Variants in NLGN1 observed in about 807,000 individuals in gnomAD.
NLGN1 encodes the protein neuroligin-1.
In NLGN1, 12 loss-of-function variants were observed where a neutral mutation model predicts 65.5. That is an observed-to-expected ratio of 0.18 (90% CI 0.12 to 0.30). The LOEUF (loss-of-function observed/expected upper bound fraction) is 0.30, where lower values mean the gene tolerates loss of function less well. Ranked by LOEUF, NLGN1 falls within the 10% of genes least tolerant of loss-of-function variation. The probability of loss-of-function intolerance (pLI) is 1.00; values close to 1 mark genes in which losing one functional copy is unlikely to be tolerated. For synonymous variants in NLGN1, 350 were observed against 359.5 expected (o/e 0.97, Z 0.30); for missense variants, 750 against 1,007.1 (o/e 0.74, Z 3.46).
intron 4 of NLGN1, among the ~76,000 whole-genome samples, chr3:174,175,293 G>C (rs1041912388): frequency 6.6e-6 from 1 of 151,598 alleles, no homozygotes; most frequent in Admixed American, 6.6e-5. Context: ...AATAATATTT[G>C]CTTTATATAT....
intron 3 of NLGN1, among the ~76,000 whole-genome samples, chr3:173,656,138 A>G (rs758738632): frequency 6.6e-6 from 1 of 152,094 alleles, no homozygotes; most frequent in Non-Finnish European, 1.5e-5. Flanking sequence ...TGGAGAGGAT[A>G]TTTCCTGTCA....
At chr3:173,544,950 A>G (rs1041344369) in intron 2 of NLGN1, among the ~76,000 whole-genome samples, 1 of 152,148 alleles carries the variant, frequency 6.6e-6, no homozygotes, top group African/African-American at 2.4e-5. Flanking sequence ...AAAATTTGAA[A>G]TGATACTGAT....
intron 4 of NLGN1, among the ~76,000 whole-genome samples, chr3:174,123,141 T>A (rs1484439072): frequency 1.3e-5 from 2 of 152,032 alleles, no homozygotes; most frequent in Non-Finnish European, 2.9e-5. Flanking sequence ...CCACGAGATT[T>A]CTGGCATAGA....
chr3:174,246,882 T>C (rs746409348), intron 4 of NLGN1, among the ~76,000 whole-genome samples: 5 of 152,174 alleles, frequency 3.3e-5, no homozygotes, highest in Non-Finnish European at 7.3e-5. Context: ...AAAGAAAGCA[T>C]AGCTGGTTCA....
chr3:173,468,065 T>G (rs761308155), intron 2 of NLGN1, among the ~76,000 whole-genome samples: 1 of 152,128 alleles, frequency 6.6e-6, no homozygotes, highest in Non-Finnish European at 1.5e-5. Context: ...ACTATACTGG[T>G]TCATGATTGC....
chr3:174,038,239 A>C (rs1016544926), intron 4 of NLGN1, among the ~76,000 whole-genome samples: 1 of 152,142 alleles, frequency 6.6e-6, no homozygotes, highest in Non-Finnish European at 1.5e-5. Flanking sequence ...TGCCCCACTG[A>C]ATCGCTAGAT....
rs1345481281 is a variant in NLGN1 at position 174,144,733 on chromosome 3, C to G, written c.647-130582C>G. On this transcript the variant is annotated intron_variant, in intron 4 of 6. Transcript: ENST00000457714. ...TATCTTCTTTTGAGAAGTGTCTGTT[C>G]ATATCCTTTGCCCACTTTTTGATGG... Among the ~76,000 whole-genome samples, 3 of 152,136 alleles carry G rather than the reference C, an allele frequency of 2.0e-5. No individual in the cohort carries two copies. In the East Asian group the frequency reaches 5.8e-4, roughly 29 times the overall value.
chr3:173,711,878 C>T (rs1769053784), intron 3 of NLGN1, among the ~76,000 whole-genome samples: 1 of 152,188 alleles, frequency 6.6e-6, no homozygotes, highest in South Asian at 2.1e-4. Context: ...GCTCTTTACG[C>T]TTTCCCAGAG....
chr3:173,968,594 G>C (rs928459671), intron 4 of NLGN1, among the ~76,000 whole-genome samples: 4 of 149,526 alleles, frequency 2.7e-5, no homozygotes, highest in Non-Finnish European at 4.4e-5. Context: ...TATAATGAAT[G>C]CCTTATTGAG....
At chr3:173,580,262 A>G (rs1177570393) in intron 2 of NLGN1, among the ~76,000 whole-genome samples, 1 of 152,110 alleles carries the variant, frequency 6.6e-6, no homozygotes, top group Non-Finnish European at 1.5e-5. Flanking sequence ...ATCATTTTCT[A>G]TTTGGTATAG....
chr3:173,496,530 A>T (rs1730054455), intron 2 of NLGN1, among the ~76,000 whole-genome samples: 1 of 151,868 alleles, frequency 6.6e-6, no homozygotes, highest in South Asian at 2.1e-4. Flanking sequence ...TATCTGAGAT[A>T]CACTGAATTT....
At chr3:173,660,246 T>C (rs1005072287) in intron 3 of NLGN1, among the ~76,000 whole-genome samples, 4 of 151,912 alleles carry the variant, frequency 2.6e-5, no homozygotes, top group African/African-American at 9.7e-5. Flanking sequence ...GAATCACTCA[T>C]TAAAGTCAAT....
intron 4 of NLGN1, among the ~76,000 whole-genome samples, chr3:173,828,370 G>A (rs1721786959): frequency 6.6e-6 from 1 of 152,008 alleles, no homozygotes; most frequent in African/African-American, 2.4e-5. Context: ...TATATATCCA[G>A]GAACACGGGT....
intron 2 of NLGN1, among the ~76,000 whole-genome samples, chr3:173,538,801 A>C (rs1423679864): frequency 6.6e-6 from 1 of 152,186 alleles, no homozygotes; most frequent in African/African-American, 2.4e-5. Context: ...CATGCTATTC[A>C]GTAATTATTA....
chr3:174,289,320 A>G (rs1242244023), downstream of NLGN1, among the ~76,000 whole-genome samples: 2 of 151,462 alleles, frequency 1.3e-5, no homozygotes, highest in African/African-American at 4.8e-5. Context: ...ATTATTAAGC[A>G]TCTATTATAT....
intron 4 of NLGN1, among the ~76,000 whole-genome samples, chr3:173,908,545 A>G (rs1738912428): frequency 6.6e-6 from 1 of 152,212 alleles, no homozygotes; most frequent in Admixed American, 6.5e-5. Context: ...GCAATATAGT[A>G]ATTTCTATCC....
intron 1 of NLGN1, among the ~76,000 whole-genome samples, chr3:173,415,231 C>T (rs74534463): frequency 0.058 from 8,903 of 152,216 alleles, 311 homozygotes; most frequent in Middle Eastern, 0.1. Context: ...GCAAGGCTTT[C>T]GGCAAAAACC....
At chr3:173,733,527 T>C (rs1404668632) in intron 3 of NLGN1, among the ~76,000 whole-genome samples, 1 of 152,004 alleles carries the variant, frequency 6.6e-6, no homozygotes, top group African/African-American at 2.4e-5. Context: ...GCCTGGGTGG[T>C]GAAAGTGGAA....
At chr3:174,179,604 T>C (rs1730020797) in intron 4 of NLGN1, among the ~76,000 whole-genome samples, 1 of 152,140 alleles carries the variant, frequency 6.6e-6, no homozygotes, top group Admixed American at 6.6e-5. Flanking sequence ...ATTTCATAGA[T>C]TTTTAAAGAA....
Sources: gnomAD v4.1 joint callset for allele counts (sites outside exome capture counted in the v4.1 genomes callset) on GRCh38, gnomAD v4.1.1 for gene constraint, MANE v1.5 for transcripts, NCBI Gene and HGNC (gene_info 2026-07-23, HGNC 2026-07-21) for gene names.